RBFOX1: variants seen among roughly 807,000 people sequenced by gnomAD.
RBFOX1 encodes RNA binding fox-1 homolog 1.
RBFOX1 carries 8 observed loss-of-function variants against 57.7 expected under a neutral mutation model. The ratio of observed to expected loss-of-function variants is 0.14; its 90% CI spans 0.08 to 0.25. The LOEUF (loss-of-function observed/expected upper bound fraction) is 0.25, where lower values mean the gene tolerates loss of function less well. Among genes scored for constraint, RBFOX1 ranks in the 10% least tolerant of loss-of-function variants. RBFOX1 has a pLI of 1.00. For missense variants in RBFOX1, 611 were observed against 548.5 expected (o/e 1.11, Z -1.14); for synonymous variants, 326 against 222.4 (o/e 1.47, Z -4.15).
intron 3 of RBFOX1, among the ~76,000 whole-genome samples, chr16:5,812,273 A>C (rs1028558938): frequency 1.3e-5 from 2 of 152,162 alleles, no homozygotes; most frequent in Admixed American, 1.3e-4. Context: ...GCCTTTGGAC[A>C]TGTGCTTTTC....
At chr16:5,401,908 T>A (rs763719529) in intron 1 of RBFOX1, among the ~76,000 whole-genome samples, 1 of 152,136 alleles carries the variant, frequency 6.6e-6, no homozygotes, top group Non-Finnish European at 1.5e-5. Flanking sequence ...TTTTCTCTAT[T>A]TTTACTGCTG....
intron 2 of RBFOX1, among the ~76,000 whole-genome samples, chr16:6,615,609 C>T (rs1340023426): frequency 2.0e-5 from 3 of 152,022 alleles, no homozygotes; most frequent in Non-Finnish European, 4.4e-5. Flanking sequence ...AATATGGCCA[C>T]AGGAAAATTC....
At chr16:6,565,136 A>G (rs1229002819) in intron 2 of RBFOX1, among the ~76,000 whole-genome samples, 2 of 152,134 alleles carry the variant, frequency 1.3e-5, no homozygotes, top group African/African-American at 4.8e-5. Context: ...CAAAAAAAAA[A>G]AAAAAAAAGC....
chr16:7,230,697 T>G (rs1471591701), intron 4 of RBFOX1, among the ~76,000 whole-genome samples: 1 of 152,190 alleles, frequency 6.6e-6, no homozygotes, highest in Non-Finnish European at 1.5e-5. Flanking sequence ...GAGAGCCACT[T>G]GGAGTTGAAA....
At chr16:5,927,147 C>A (rs2058955853) in intron 4 of RBFOX1, among the ~76,000 whole-genome samples, 1 of 152,076 alleles carries the variant, frequency 6.6e-6, no homozygotes, top group Non-Finnish European at 1.5e-5. Flanking sequence ...TAATTGGAAA[C>A]TATGATTATT....
At chr16:5,953,134 G>A (rs2059554616) in intron 4 of RBFOX1, among the ~76,000 whole-genome samples, 1 of 151,932 alleles carries the variant, frequency 6.6e-6, no homozygotes, top group Non-Finnish European at 1.5e-5. Flanking sequence ...TGGGAGGTAG[G>A]GATATTTTAA....
At chr16:7,486,764 C>A (rs1419087109) in intron 4 of RBFOX1, among the ~76,000 whole-genome samples, 1 of 152,136 alleles carries the variant, frequency 6.6e-6, no homozygotes, top group African/African-American at 2.4e-5. Context: ...GAGATCCAGG[C>A]CGTTACTAGG....
intron 2 of RBFOX1, among the ~76,000 whole-genome samples, chr16:6,641,513 T>G (rs1272514608): frequency 6.6e-6 from 1 of 151,954 alleles, no homozygotes; most frequent in East Asian, 1.9e-4. Flanking sequence ...GGCGGGCAGA[T>G]CGCTTGAGCC....
chr16:5,699,266 T>C (rs1243349808), intron 3 of RBFOX1, among the ~76,000 whole-genome samples: 1 of 152,126 alleles, frequency 6.6e-6, no homozygotes, highest in Non-Finnish European at 1.5e-5. Context: ...CGGTTTTCTA[T>C]GCAGTTATAT....
chr16:6,969,118 T>G (rs1405578100), intron 3 of RBFOX1, among the ~76,000 whole-genome samples: 1 of 152,160 alleles, frequency 6.6e-6, no homozygotes, highest in Non-Finnish European at 1.5e-5. Flanking sequence ...TTAAGAGTAC[T>G]GCGTGTGAAC....
chr16:7,092,183 G>C (rs1318758480), intron 4 of RBFOX1, among the ~76,000 whole-genome samples: 4 of 152,140 alleles, frequency 2.6e-5, no homozygotes, highest in Non-Finnish European at 5.9e-5. Context: ...TGATTACAAA[G>C]TTACAAGGTA....
chr16:5,705,150 C>T (rs901213005), intron 3 of RBFOX1, among the ~76,000 whole-genome samples: 1 of 152,160 alleles, frequency 6.6e-6, no homozygotes, highest in African/African-American at 2.4e-5. Flanking sequence ...GTTCCTGCAA[C>T]CTTTGATCTT....
intron 3 of RBFOX1, among the ~76,000 whole-genome samples, chr16:6,950,418 A>G (rs751636663): frequency 1.3e-5 from 2 of 152,134 alleles, no homozygotes; most frequent in Non-Finnish European, 2.9e-5. Flanking sequence ...TGCACTGAGA[A>G]CAGGGTAATG....
chr16:6,396,594 G>A (rs1468101842), intron 2 of RBFOX1, among the ~76,000 whole-genome samples: 3 of 152,192 alleles, frequency 2.0e-5, no homozygotes, highest in Non-Finnish European at 4.4e-5. Flanking sequence ...TGCTAAACAG[G>A]TAGAGGATGC....
chr16:5,984,789 C>T (rs543397219), intron 4 of RBFOX1, among the ~76,000 whole-genome samples: 6 of 151,940 alleles, frequency 3.9e-5, no homozygotes, highest in African/African-American at 1.4e-4. Flanking sequence ...TGGCCTTTTG[C>T]TCCTAGGCTA....
At chr16:6,966,676 C>G (rs2084241769) in intron 3 of RBFOX1, among the ~76,000 whole-genome samples, 1 of 152,132 alleles carries the variant, frequency 6.6e-6, no homozygotes, top group South Asian at 2.1e-4. Context: ...ATAGTGCAAG[C>G]TGGGCTGAAG....
chr16:6,068,410 A>G lies in RBFOX1; in HGVS notation c.-127+48418A>G, dbSNP rs539301368. On this transcript the variant is annotated intron_variant, in intron 1 of 15. Transcript: ENST00000550418. The stretch of plus-strand genomic sequence containing the variant: ...CTTTATACAAAGGCTGGAGTGTATC[A>G]AAAGCCTACCTAGAGTTGTGCCTAG... Among the ~76,000 whole-genome samples, 469 of 152,344 alleles carry G rather than the reference A, an allele frequency of 3.1e-3. 3 individuals are homozygous for G. Among genetic ancestry groups the G allele is most frequent in the African/African-American group, 0.01 (426 of 41,582 alleles).
intron 2 of RBFOX1, among the ~76,000 whole-genome samples, chr16:5,493,877 G>A (rs1172749611): frequency 6.6e-6 from 1 of 152,190 alleles, no homozygotes; most frequent in Non-Finnish European, 1.5e-5. Context: ...GCCAAAATAT[G>A]AAATTAATCA....
In RBFOX1 at chr16:7,593,248, G is replaced by A. The variant is rs550782578; in HGVS notation, c.469-2301G>A. On this transcript the variant is annotated intron_variant, in intron 7 of 15. Coordinates refer to ENST00000550418, the MANE Select transcript of RBFOX1 (RefSeq NM_018723.4). ...GGGATTCTAATCCAGTGGATACAAA[G>A]CAAGGCTCAGGAATCTTAATGTTTA... Among the ~76,000 whole-genome samples, 21 of 152,268 alleles carry A rather than the reference G, an allele frequency of 1.4e-4. 2 individuals are homozygous for A. In the South Asian group the frequency reaches 4.4e-3, roughly 32 times the overall value.
Sources: gnomAD v4.1 joint callset for allele counts (sites outside exome capture counted in the v4.1 genomes callset) on GRCh38, gnomAD v4.1.1 for gene constraint, MANE v1.5 for transcripts, NCBI Gene and HGNC (gene_info 2026-07-23, HGNC 2026-07-21) for gene names.